ASMTL: variants seen among roughly 807,000 people sequenced by gnomAD.
ASMTL encodes the protein probable bifunctional dTTP/UTP pyrophosphatase/methyltransferase protein.
In ASMTL, 57 loss-of-function variants were observed where a neutral mutation model predicts 60.3. That is an observed-to-expected ratio of 0.95 (90% CI 0.76 to 1.18). ASMTL has a LOEUF of 1.18. Among genes scored for constraint, ASMTL ranks in the 50% most tolerant of loss-of-function variants. ASMTL has a pLI of 0.00. For missense variants in ASMTL, 981 were observed against 852.6 expected, an observed-to-expected ratio of 1.15 and a Z score of -1.88; for synonymous variants, 419 against 373.0, an observed-to-expected ratio of 1.12 and a Z score of -1.42.
rs563711640 is a variant in ASMTL at position 1,429,398 on chromosome X, C to G, written c.510-1277G>C. 7.9e-5 allele frequency among the ~76,000 whole-genome samples: 12 copies of G among 152,054 alleles called. 1 individual carries two copies. Among genetic ancestry groups the G allele is most frequent in the African/African-American group, 2.9e-4 (12 of 41,504 alleles). Reference sequence around the variant, plus strand: ...TTTTTTATAAAGATGGGGTTTCACTCTGTTGCCCAGGCTGGTCTCGAACTC... The same window carrying G: ...TTTTTTATAAAGATGGGGTTTCACTGTGTTGCCCAGGCTGGTCTCGAACTC... On this transcript the variant is annotated intron_variant, in intron 6 of 12. Transcript: ENST00000381317.
At chrX:1,453,529 G>C (rs1267659522), upstream of ASMTL, 4 of 154,432 alleles carry the variant, frequency 2.6e-5, no homozygotes, top group Non-Finnish European at 5.7e-5. Context: ...TGGATACTTG[G>C]GGTTCCTTGC....
At chrX:1,439,264 T>A in intron 2 of ASMTL, 120 bp from the exon 3 acceptor site, 1 of 1,010,736 alleles carries the variant, frequency 9.9e-7, no homozygotes, top group Non-Finnish European at 1.5e-6. Context: ...ACTTTGGAAG[T>A]GAAGGCTGGG....
chrX:1,415,258 C>G (rs1213104252), intron 11 of ASMTL, among the ~76,000 whole-genome samples: 1 of 60,948 alleles, frequency 1.6e-5, no homozygotes, highest in Non-Finnish European at 3.9e-5. Context: ...GCAGCTGCCA[C>G]CTGGAAGTTC....
At chrX:1,433,021 C>T (rs1166421765) in intron 5 of ASMTL, among the ~76,000 whole-genome samples, 1 of 152,124 alleles carries the variant, frequency 6.6e-6, no homozygotes, top group Non-Finnish European at 1.5e-5. Context: ...TCGCTTGAAC[C>T]CGGGAGGCGG....
In ASMTL at chrX:1,403,255, ATGC is replaced by A; in HGVS notation, c.*11_*13del. The A allele has an allele frequency of 1.9e-6, 3 of 1,610,002 alleles. No homozygotes were observed. The highest frequency in any genetic ancestry group is 2.5e-6 in the Non-Finnish European group (3 of 1,178,222). ...GGGGGAGGACATCCCTATAATGAAC[ATGC>A]TGCCTGGGCTTCAGGGGGCCACTTT... On this transcript the variant is annotated 3_prime_UTR_variant, in exon 13 of 13. Transcript: ENST00000381317.
chrX:1,445,168 C>G (rs1948840116), intron 1 of ASMTL, among the ~76,000 whole-genome samples: 1 of 152,136 alleles, frequency 6.6e-6, no homozygotes, highest in South Asian at 2.1e-4. Context: ...CCTCGGAGGA[C>G]CAGCGGCACT....
intron 11 of ASMTL, 85 bp downstream of exon 11, chrX:1,417,888 G>T: frequency 6.6e-7 from 1 of 1,506,008 alleles, no homozygotes; most frequent in Non-Finnish European, 8.9e-7. Context: ...CAGAAACACA[G>T]GTGCACACAC....
rs747702844 is a variant in ASMTL at position 1,427,832 on chromosome X, G to GTCCCGCCTC, written c.790_798dup (p.Glu264_Gly266dup). 6.2e-7 allele frequency: 1 copy of GTCCCGCCTC among 1,612,148 alleles called. No individual in the cohort carries two copies. ...TGACACTCAGCCTCTGCCGTGGCCTGTCCCGCCTCTCCCGCCTCGGCCTTC... is the reference window on the plus strand; with the variant it reads ...TGACACTCAGCCTCTGCCGTGGCCTGTCCCGCCTCTCCCGCCTCTCCCGCCTCGGCCTTC... On this transcript the variant is annotated inframe_insertion, in exon 7 of 13. Transcript: ENST00000381317.
rs185011578 is a variant in ASMTL, at chrX:1,435,806, G to C, written c.274-48C>G. The C allele has an allele frequency of 6.3e-4, 976 of 1,539,274 alleles. 8 individuals are homozygous for C. In the African/African-American group the frequency reaches 0.012, roughly 19 times the overall value. On this transcript the variant is annotated intron_variant, in intron 3 of 12. Transcript: ENST00000381317. Reference sequence around the variant, plus strand: ...GAGTTGGTTCCCACCGGCTGGGTCAGGCCTGTGCAAGTCCCACGGTCCCAT... The same window carrying C: ...GAGTTGGTTCCCACCGGCTGGGTCACGCCTGTGCAAGTCCCACGGTCCCAT...
intron 10 of ASMTL, 175 bp downstream of exon 10, chrX:1,418,807 G>C: frequency 3.2e-6 from 1 of 315,564 alleles, no homozygotes; most frequent in Non-Finnish European, 4.6e-6. Flanking sequence ...GCATCCCCGG[G>C]GTCCTCCTGG....
chrX:1,431,213 A>ATTATATATAATTATAAATTATAT (rs1199774086), intron 6 of ASMTL, among the ~76,000 whole-genome samples: 9 of 123,598 alleles, frequency 7.3e-5, no homozygotes, highest in South Asian at 2.3e-4. Context: ...TTTATAATTA[A>ATTATATATAATTATAAATTATAT]TTATATATAA....
At position 1,403,171 on chromosome X, in the gene ASMTL, A is replaced by G. The variant is rs1234722179; in HGVS notation, c.*98T>C. 6.2e-6 allele frequency: 6 copies of G among 974,776 alleles called. No homozygotes were observed. Among genetic ancestry groups the G allele is most frequent in the African/African-American group, 3.2e-5 (2 of 62,462 alleles). 60.4% of individuals were successfully genotyped at this position (974,776 alleles called of 1,614,324 possible). On this transcript the variant is annotated 3_prime_UTR_variant, in exon 13 of 13. Coordinates refer to ENST00000381317, the MANE Select transcript of ASMTL (RefSeq NM_004192.4). ...TTGCTTTCTTTATTCAGTCACGACT[A>G]CACGCTCCTATGTGACTGTCCTATG...
At chrX:1,450,157 C>T (rs184421702) in intron 1 of ASMTL, among the ~76,000 whole-genome samples, 42 of 151,938 alleles carry the variant, frequency 2.8e-4, no homozygotes, top group East Asian at 7.7e-4. Flanking sequence ...TATAACTATC[C>T]GCCTGTCACC....
In ASMTL at chrX:1,403,368, C is replaced by T. The variant is rs200974427; in HGVS notation, c.1767G>A (p.Glu589=). 3.7e-6 allele frequency: 6 copies of T among 1,613,450 alleles called. No homozygotes were observed. The highest frequency in any genetic ancestry group is 2.2e-5 in the East Asian group (1 of 44,880). The stretch of plus-strand genomic sequence containing the variant: ...CGTGCAGCTCCAGCAAGCACTGATA[C>T]TCGCCCAGGCTCCGCTCCTTGCCTT... ...QTEGKERSLG[E]YQCLLELHGF... is the part of the protein sequence containing the mutation. The change falls in exon 13 of 13, where the codon GAG becomes GAA. Residue 589 remains glutamate (E), a synonymous_variant. Coordinates refer to ENST00000381317, the MANE Select transcript of ASMTL (RefSeq NM_004192.4).
At chrX:1,438,836 G>A (rs28548896) in intron 3 of ASMTL, among the ~76,000 whole-genome samples, 17,851 of 152,016 alleles carry the variant, frequency 0.12, 3,522 homozygotes, top group African/African-American at 0.41. Flanking sequence ...CGTGTTGGTC[G>A]GGCTGATCTC....
chrX:1,437,950 G>C (rs1305219374), intron 3 of ASMTL, among the ~76,000 whole-genome samples: 1 of 150,786 alleles, frequency 6.6e-6, no homozygotes, highest in African/African-American at 2.4e-5. Flanking sequence ...GATGCGGTTG[G>C]ACAGAATTAG....
chrX:1,415,214 T>TCCAGGCGTGAGCCTGGGCATGTGGC (rs747715910), intron 11 of ASMTL, among the ~76,000 whole-genome samples: 37,940 of 151,760 alleles, frequency 0.25, 5,138 homozygotes, highest in Non-Finnish European at 0.29. Flanking sequence ...GGGCTGGGAT[T>TCCAGGCGTGAGCCTGGGCATGTGGC]CCAGGCGTCT....
intron 3 of ASMTL, among the ~76,000 whole-genome samples, chrX:1,437,702 C>A (rs1483504630): frequency 7.3e-5 from 11 of 151,164 alleles, no homozygotes; most frequent in Non-Finnish European, 1.6e-4. Flanking sequence ...TCGAGACCAT[C>A]CTGGCCAACA....
intron 1 of ASMTL, among the ~76,000 whole-genome samples, chrX:1,445,831 G>A (rs1490576393): frequency 6.6e-6 from 1 of 152,164 alleles, no homozygotes; most frequent in Non-Finnish European, 1.5e-5. Context: ...GCCATACAGA[G>A]ATAGGAGCTG....
Sources: allele counts gnomAD v4.1 joint callset (sites outside exome capture counted in the v4.1 genomes callset), GRCh38; gene constraint gnomAD v4.1.1; transcripts MANE v1.5; gene names NCBI Gene and HGNC (gene_info 2026-07-23, HGNC 2026-07-21).